MID1: variants seen among roughly 807,000 people sequenced by gnomAD.
MID1 encodes the protein midline 1, also known as E3 ubiquitin-protein ligase Midline-1.
MID1 carries 7 observed loss-of-function variants against 40.4 expected under a neutral mutation model. The ratio of observed to expected loss-of-function variants is 0.17; its 90% confidence interval spans 0.10 to 0.33. MID1 has a LOEUF of 0.33. Ranked by LOEUF, MID1 falls within the 10% of genes least tolerant of loss-of-function variation. MID1 has a pLI of 1.00. For synonymous variants in MID1, 229 were observed against 221.2 expected (o/e 1.04, Z -0.31); for missense variants, 367 against 558.5 (o/e 0.66, Z 3.46).
At chrX:10,805,792 G>A (rs1338489283) in intron 1 of MID1, among the ~76,000 whole-genome samples, 1 of 106,463 alleles carries the variant, frequency 9.4e-6, no homozygotes, top group African/African-American at 3.4e-5. Flanking sequence ...ATCTCATTGT[G>A]GTTTTGATTT....
chrX:10,609,715 CTTTTTTTTTTT>C (rs138559299), intron 1 of MID1, among the ~76,000 whole-genome samples: 1 of 86,413 alleles, frequency 1.2e-5, no homozygotes, highest in African/African-American at 4.8e-5. Flanking sequence ...TTCTTTCTTT[CTTTTTTTTTTT>C]TTTTTTTTTG....
At chrX:10,507,091 A>C (rs1931877183) in intron 3 of MID1, among the ~76,000 whole-genome samples, 1 of 111,606 alleles carries the variant, frequency 9.0e-6, no homozygotes, top group Admixed American at 9.5e-5. Flanking sequence ...AGTAAACTTG[A>C]CTTTTTTAAA....
At chrX:10,643,138 G>A (rs1225385909) in intron 1 of MID1, among the ~76,000 whole-genome samples, 1 of 111,170 alleles carries the variant, frequency 9.0e-6, no homozygotes, top group Non-Finnish European at 1.9e-5. Context: ...CAAAAGCAAT[G>A]GCAACAAAAG....
intron 1 of MID1, among the ~76,000 whole-genome samples, chrX:10,603,825 G>A (rs1935576041): frequency 1.8e-5 from 2 of 111,415 alleles, no homozygotes; most frequent in African/African-American, 6.5e-5. Flanking sequence ...GCATTCCTGG[G>A]GGCCATTAGA....
chrX:10,671,964 C>T (rs1324319777), intron 1 of MID1, among the ~76,000 whole-genome samples: 1 of 111,917 alleles, frequency 8.9e-6, no homozygotes, highest in African/African-American at 3.2e-5. Context: ...GTGGCTCACA[C>T]CTATAACCCT....
At chrX:10,769,995 C>T (rs770763953) in intron 1 of MID1, among the ~76,000 whole-genome samples, 2 of 111,842 alleles carry the variant, frequency 1.8e-5, no homozygotes, top group South Asian at 7.5e-4. Context: ...TAATCAAATA[C>T]AAATACACAT....
At chrX:10,573,563 G>T (rs1258315766) in intron 1 of MID1, among the ~76,000 whole-genome samples, 2 of 111,853 alleles carry the variant, frequency 1.8e-5, no homozygotes, top group Non-Finnish European at 3.8e-5. Flanking sequence ...ACCACATTGG[G>T]GATTACATTT....
upstream of MID1, among the ~76,000 whole-genome samples, chrX:10,621,368 C>T (rs1205617382): frequency 9.0e-6 from 1 of 111,619 alleles, no homozygotes; most frequent in Admixed American, 9.5e-5. Context: ...GAAACAAACT[C>T]AGACCAAAAA....
intron 1 of MID1, among the ~76,000 whole-genome samples, chrX:10,795,862 A>C (rs1359670692): frequency 1.8e-5 from 2 of 112,300 alleles, no homozygotes; most frequent in Admixed American, 1.9e-4. Flanking sequence ...ACCTAAAAAA[A>C]TGTGTTCCAA....
chrX:10,570,537 A>T (rs1934692681), intron 1 of MID1, among the ~76,000 whole-genome samples: 1 of 112,407 alleles, frequency 8.9e-6, no homozygotes, highest in South Asian at 3.7e-4. Context: ...CAGCACACAA[A>T]ATGACTCAAA....
At chrX:10,700,657 T>C (rs2051781263) in intron 1 of MID1, among the ~76,000 whole-genome samples, 1 of 112,408 alleles carries the variant, frequency 8.9e-6, no homozygotes, top group Admixed American at 9.4e-5. Context: ...CACAATCTTA[T>C]GTAATTCTGG....
chrX:10,457,989 G>T (rs1928786754), intron 8 of MID1, among the ~76,000 whole-genome samples: 1 of 112,613 alleles, frequency 8.9e-6, no homozygotes, highest in African/African-American at 3.2e-5. Flanking sequence ...TCCAGTCAGA[G>T]ATTTCACATA....
chrX:10,710,071 G>A (rs2043256054), intron 1 of MID1, among the ~76,000 whole-genome samples: 1 of 111,730 alleles, frequency 9.0e-6, no homozygotes, highest in Non-Finnish European at 1.9e-5. Flanking sequence ...GGTTGTCTGG[G>A]GAAAGAAGCT....
intron 1 of MID1, among the ~76,000 whole-genome samples, chrX:10,667,304 G>T (rs377435640): frequency 9.0e-6 from 1 of 111,512 alleles, no homozygotes; most frequent in East Asian, 2.8e-4. Context: ...CTACATGAGT[G>T]GGGGTGGGGT....
chrX:10,612,804 C>A (rs1270186282), intron 1 of MID1, among the ~76,000 whole-genome samples: 3 of 111,699 alleles, frequency 2.7e-5, no homozygotes, highest in African/African-American at 9.8e-5. Context: ...GCATGTGGTA[C>A]AGTCACAAAA....
rs1934389098 is a variant in MID1 at position 10,562,652 on chromosome X, A to C, written c.660+4236T>G. ...ACACATATTTGTAACTTCAAAAAAAAACCCCTTCAAGATAAGACTCTTCCC... is the reference window on the plus strand; with the variant it reads ...ACACATATTTGTAACTTCAAAAAAACACCCCTTCAAGATAAGACTCTTCCC... On this transcript the variant is annotated intron_variant, in intron 2 of 9. Coordinates refer to ENST00000317552, the MANE Select transcript of MID1 (RefSeq NM_000381.4). 1.9e-5 allele frequency among the ~76,000 whole-genome samples: 2 copies of C among 106,213 alleles called. 1 individual carries two copies. 92.2% of individuals were successfully genotyped at this position (106,213 alleles called of 115,157 possible). A position where few individuals can be genotyped will look rare whatever the true frequency, so the allele number is the denominator to read the frequency against.
At chrX:10,666,606 A>G (rs928966393) in intron 1 of MID1, among the ~76,000 whole-genome samples, 22 of 111,560 alleles carry the variant, frequency 2.0e-4, no homozygotes, top group African/African-American at 7.2e-4. Flanking sequence ...GGCCATTCAA[A>G]TGATTTCAAA....
intron 2 of MID1, among the ~76,000 whole-genome samples, chrX:10,559,449 AGTCT>A (rs1934248108): frequency 8.9e-6 from 1 of 112,778 alleles, no homozygotes; most frequent in South Asian, 3.6e-4. Flanking sequence ...AACATCATAT[AGTCT>A]GTCTGTATTT....
chrX:10,749,890 C>G (rs2043586300), intron 1 of MID1, among the ~76,000 whole-genome samples: 2 of 111,483 alleles, frequency 1.8e-5, no homozygotes, highest in South Asian at 7.7e-4. Context: ...AACCAGTCCC[C>G]ACCTCCAATA....
Sources: allele counts gnomAD v4.1 joint callset (sites outside exome capture counted in the v4.1 genomes callset), GRCh38; gene constraint gnomAD v4.1.1; transcripts MANE v1.5; gene names NCBI Gene and HGNC (gene_info 2026-07-23, HGNC 2026-07-21).